The following SUGCT variants were observed in gnomAD, a reference collection of about 807,000 sequenced individuals.
SUGCT encodes succinyl-CoA:glutarate-CoA transferase.
SUGCT carries 41 observed loss-of-function variants against 55.0 expected under a neutral mutation model. The observed-to-expected ratio is 0.74, with a 90% CI of 0.58 to 0.97. SUGCT has a LOEUF of 0.97. Ranked by LOEUF, SUGCT falls within the 50% of genes least tolerant of loss-of-function variation. SUGCT has a pLI of 0.00. For synonymous variants in SUGCT, 187 were observed against 200.4 expected, an observed-to-expected ratio of 0.93 and a Z score of 0.56; for missense variants, 568 against 547.8, an observed-to-expected ratio of 1.04 and a Z score of -0.37.
intron 9 of SUGCT, among the ~76,000 whole-genome samples, chr7:40,382,377 G>A (rs1052373351): frequency 3.9e-5 from 6 of 152,140 alleles, no homozygotes; most frequent in African/African-American, 1.4e-4. Flanking sequence ...CTCATATTAT[G>A]TAGTCCCTTG....
chr7:40,848,510 G>C (rs954684465), intron 13 of SUGCT, among the ~76,000 whole-genome samples: 4 of 152,066 alleles, frequency 2.6e-5, no homozygotes, highest in African/African-American at 9.7e-5. Context: ...GTTATCTGCA[G>C]AAACTGGAAA....
At chr7:40,646,799 T>G (rs923072398) in intron 12 of SUGCT, among the ~76,000 whole-genome samples, 3 of 152,210 alleles carry the variant, frequency 2.0e-5, no homozygotes, top group Non-Finnish European at 2.9e-5. Context: ...CAGTGGATCA[T>G]TCTGTATTTG....
chr7:40,918,268 C>G, the SUGCT span, among the ~76,000 whole-genome samples: 1 of 152,026 alleles, frequency 6.6e-6, no homozygotes, highest in Non-Finnish European at 1.5e-5. Context: ...TGAGACCAGC[C>G]TGACCAACAT....
chr7:40,262,039 A>G (rs954805897), intron 7 of SUGCT, among the ~76,000 whole-genome samples: 1 of 152,224 alleles, frequency 6.6e-6, no homozygotes, highest in African/African-American at 2.4e-5. Context: ...GCTAGATGAT[A>G]TTTTGGGAAT....
At chr7:40,921,046 C>T in the SUGCT span, among the ~76,000 whole-genome samples, 1 of 152,088 alleles carries the variant, frequency 6.6e-6, no homozygotes, top group East Asian at 1.9e-4. Flanking sequence ...CTGTTAGCTC[C>T]ACACTCTATG....
intron 6 of SUGCT, among the ~76,000 whole-genome samples, chr7:40,201,759 T>C (rs961823889): frequency 6.6e-6 from 1 of 152,184 alleles, no homozygotes; most frequent in African/African-American, 2.4e-5. Context: ...TATGCCTTTA[T>C]TTTATTCCCC....
At chr7:40,605,961 A>C (rs1003411673) in intron 12 of SUGCT, among the ~76,000 whole-genome samples, 1 of 152,190 alleles carries the variant, frequency 6.6e-6, no homozygotes, top group Non-Finnish European at 1.5e-5. Context: ...CAGTTTGTGC[A>C]GTGCCTTGTC....
chr7:40,462,973 C>G lies in SUGCT; in HGVS notation c.986+3775C>G, dbSNP rs559877717. ...TTACTCATTTATTGTACTTTTTCAA[C>G]ATGTTGATATACATGCTCCAGTTTT... is the stretch of plus-strand genomic sequence containing the variant. On this transcript the variant is annotated intron_variant, in intron 11 of 13. Coordinates refer to ENST00000335693, the MANE Select transcript of SUGCT (RefSeq NM_001193313.2). 2.6e-5 allele frequency among the ~76,000 whole-genome samples: 4 copies of G among 152,256 alleles called. No homozygotes were observed. The East Asian group carries it at 7.7e-4, about 29-fold the overall frequency.
chr7:40,363,318 T>C (rs1798247129), intron 9 of SUGCT, among the ~76,000 whole-genome samples: 1 of 152,172 alleles, frequency 6.6e-6, no homozygotes, highest in Non-Finnish European at 1.5e-5. Flanking sequence ...TTCCTTCAGT[T>C]GTGCTCTGAT....
chr7:40,833,906 A>G (rs1792825546), intron 13 of SUGCT, among the ~76,000 whole-genome samples: 1 of 152,206 alleles, frequency 6.6e-6, no homozygotes, highest in Non-Finnish European at 1.5e-5. Context: ...CCTACCCTTT[A>G]TTATTGTTTG....
chr7:40,418,349 T>C (rs1787124758), intron 9 of SUGCT, among the ~76,000 whole-genome samples: 1 of 152,176 alleles, frequency 6.6e-6, no homozygotes. Context: ...GGTTGGGTGA[T>C]AAAATCTGCC....
At chr7:40,905,716 C>CT in the SUGCT span, among the ~76,000 whole-genome samples, 127 of 141,652 alleles carry the variant, frequency 9.0e-4, 1 homozygote, top group South Asian at 9.4e-3. Context: ...TTTTTTTTTT[C>CT]TTTTTTTTTT....
rs184051913 is a variant in SUGCT at position 40,695,071 on chromosome 7, A to G, written c.1090-54363A>G. Among the ~76,000 whole-genome samples, 34 of 152,274 alleles carry G rather than the reference A, an allele frequency of 2.2e-4. 1 individual carries two copies. The East Asian group carries it at 6.0e-3, about 27-fold the overall frequency. On this transcript the variant is annotated intron_variant, in intron 12 of 13. Coordinates refer to ENST00000335693, the MANE Select transcript of SUGCT (RefSeq NM_001193313.2). ...GAGGGGTATTACAATTGCCATCTGC[A>G]CCCAAATAGCCCAGATACTGAATTG...
At chr7:40,649,155 C>T (rs1329446404) in intron 12 of SUGCT, among the ~76,000 whole-genome samples, 1 of 151,862 alleles carries the variant, frequency 6.6e-6, no homozygotes, top group African/African-American at 2.4e-5. Flanking sequence ...GTTTTGAAAT[C>T]TGTACGTTTT....
At chr7:40,333,672 T>A (rs1417782497) in intron 9 of SUGCT, among the ~76,000 whole-genome samples, 91 of 25,268 alleles carry the variant, frequency 3.6e-3, no homozygotes, top group Non-Finnish European at 4.1e-3. Flanking sequence ...AAAAAAAATA[T>A]ATATATATAT....
chr7:40,767,294 G>C (rs561802120), intron 13 of SUGCT, among the ~76,000 whole-genome samples: 1 of 152,272 alleles, frequency 6.6e-6, no homozygotes, highest in Admixed American at 6.5e-5. Flanking sequence ...CATCTGTATA[G>C]AGTTTTGTAC....
intron 9 of SUGCT, among the ~76,000 whole-genome samples, chr7:40,377,376 G>A (rs1784657299): frequency 6.6e-6 from 1 of 150,582 alleles, no homozygotes; most frequent in Admixed American, 6.7e-5. Context: ...CTGGGTAGCT[G>A]GGATGACAGG....
chr7:40,314,559 C>CTTTTTTTTTTT (rs1292941632), intron 8 of SUGCT, among the ~76,000 whole-genome samples: 1 of 108,730 alleles, frequency 9.2e-6, no homozygotes, highest in Non-Finnish European at 1.8e-5. Flanking sequence ...TCCCTTGTGT[C>CTTTTTTTTTTT]TTTTTTTTTT....
At chr7:40,827,263 G>T (rs1414270465) in intron 13 of SUGCT, among the ~76,000 whole-genome samples, 2 of 152,172 alleles carry the variant, frequency 1.3e-5, no homozygotes, top group African/African-American at 4.8e-5. Flanking sequence ...GATCAAAGGT[G>T]ATAGGGTGTG....
Sources: allele counts gnomAD v4.1 joint callset (sites outside exome capture counted in the v4.1 genomes callset), GRCh38; gene constraint gnomAD v4.1.1; transcripts MANE v1.5; gene names NCBI Gene and HGNC (gene_info 2026-07-23, HGNC 2026-07-21).